The following WDR36 variants were observed in gnomAD, a reference collection of about 807,000 sequenced individuals.
The protein encoded by WDR36 is WD repeat-containing protein 36.
In WDR36, 63 loss-of-function variants were observed where a neutral mutation model predicts 112.7. That is an observed-to-expected ratio of 0.56 (90% confidence interval 0.46 to 0.69). The LOEUF (loss-of-function observed/expected upper bound fraction) is 0.69, where lower values mean the gene tolerates loss of function less well. Ranked by LOEUF, WDR36 falls within the 30% of genes least tolerant of loss-of-function variation. WDR36 has a pLI of 0.00. For synonymous variants in WDR36, 410 were observed against 362.2 expected, an observed-to-expected ratio of 1.13 and a Z score of -1.50; for missense variants, 1,226 against 1,070.3, an observed-to-expected ratio of 1.15 and a Z score of -2.03.
chr5:111,104,367 G>A lies in WDR36; in HGVS notation c.906+15G>A, dbSNP rs375488091. Reference sequence around the variant, plus strand: ...ATGCTCTTAGGGTATTATGATTATTGTTAACATCTTCCTGGCTCATCTAAC... The same window carrying A: ...ATGCTCTTAGGGTATTATGATTATTATTAACATCTTCCTGGCTCATCTAAC... On this transcript the variant is annotated intron_variant, in intron 8 of 22. Transcript: ENST00000513710. 6.2e-7 allele frequency: 1 copy of A among 1,611,324 alleles called. No individual in the cohort carries two copies. The highest frequency in any genetic ancestry group is 1.3e-5 in the African/African-American group (1 of 74,708).
intron 4 of WDR36, 34 bp downstream of exon 4, chr5:111,098,873 G>C (rs1753051708): frequency 7.3e-7 from 1 of 1,370,616 alleles, no homozygotes; most frequent in Non-Finnish European, 1.0e-6. Flanking sequence ...CTTTATCTTA[G>C]GGTAGTATGT....
chr5:111,092,509 G>T lies in WDR36; in HGVS notation c.53G>T (p.Arg18Leu), dbSNP rs376575241. The change falls in exon 1 of 23, where the codon CGG becomes CTG. Residue 18 changes from arginine to leucine, a missense_variant. Arg to Leu is a moderately radical substitution (Grantham distance 102, BLOSUM62 -2). Transcript: ENST00000513710. ...RTASALFAGF[R>L]ALGLFSNDIP... Reference sequence around the variant, plus strand: ...GCCAGCGCGCTTTTTGCGGGGTTCCGGGCCTTGGGACTTTTCAGCAACGAC... The same window carrying T: ...GCCAGCGCGCTTTTTGCGGGGTTCCTGGCCTTGGGACTTTTCAGCAACGAC... The T allele has an allele frequency of 1.7e-5, 28 of 1,614,120 alleles. No homozygotes were observed. In the African/African-American group the frequency reaches 2.8e-4, roughly 16 times the overall value.
intron 3 of WDR36, 126 bp from the exon 4 acceptor site, chr5:111,098,596 A>G: frequency 1.4e-6 from 1 of 717,452 alleles, no homozygotes; most frequent in Non-Finnish European, 2.5e-6. Context: ...ACCTTGAATA[A>G]TCAAAAGTTG....
rs370305538 is a variant in WDR36 at position 111,129,614 on chromosome 5, T to C, written c.*2731T>C. 3 of 206,284 alleles carry C rather than the reference T, an allele frequency of 1.5e-5. No homozygotes were observed. The highest frequency in any genetic ancestry group is 7.4e-5 in the East Asian group (1 of 13,430). The allele number at this position is 206,284 out of a possible 1,614,324, so 12.8% of individuals were successfully genotyped here. A position where few individuals can be genotyped will look rare whatever the true frequency, so the allele number is the denominator to read the frequency against. ...GGAGTTCTCTTGTATTTTCTGTATT[T>C]TATGTCTGTTGCCAATGTTTTCTCC... On this transcript the variant is annotated 3_prime_UTR_variant, in exon 23 of 23. Transcript: ENST00000513710.
intron 1 of WDR36, 84 bp downstream of exon 1, chr5:111,092,702 T>C (rs1752892478): frequency 2.1e-6 from 3 of 1,445,536 alleles, no homozygotes; most frequent in Non-Finnish European, 2.8e-6. Context: ...GGTTCTCCCT[T>C]CCCATTTACC....
intron 19 of WDR36, among the ~76,000 whole-genome samples, chr5:111,121,536 A>G (rs1192456769): frequency 6.6e-6 from 1 of 152,158 alleles, no homozygotes; most frequent in Non-Finnish European, 1.5e-5. Flanking sequence ...CTAGACTTTC[A>G]TTTTATTAAG....
rs143481355 is a variant in WDR36, at chr5:111,120,533, C to T, written c.1942C>T (p.Pro648Ser). 1 of 1,613,062 alleles carries T rather than the reference C, an allele frequency of 6.2e-7. No individual in the cohort carries two copies. Among genetic ancestry groups the T allele is most frequent in the African/African-American group, 1.3e-5 (1 of 74,980 alleles). ...ISLYSVVSLR[P>S]LPADYVPSIV... ...CCTGTATTCAGTTGTTTCATTACGG[C>T]CACTTCCTGCAGATTATGTCCCTTC... The change falls in exon 18 of 23, where the codon CCA (proline) becomes TCA (serine). Residue 648 changes from proline (P) to serine (S), a missense_variant. Physicochemically the swap from Pro to Ser is moderately conservative, Grantham distance 74. Coordinates refer to ENST00000513710, the MANE Select transcript of WDR36 (RefSeq NM_139281.3).
In WDR36 at chr5:111,127,935, T is replaced by TG. The variant is rs1753708018; in HGVS notation, c.*1052_*1053insG. ...TTTGTTTTGTTTTGTTTTTTTTTTT[T>TG]TTTTTTTGGCTACACTTTTTTGGGG... On this transcript the variant is annotated 3_prime_UTR_variant, in exon 23 of 23. Coordinates refer to ENST00000513710, the MANE Select transcript of WDR36 (RefSeq NM_139281.3). 2 of 205,850 alleles carry TG rather than the reference T, an allele frequency of 9.7e-6. No homozygotes were observed. The highest frequency in any genetic ancestry group is 4.6e-5 in the African/African-American group (2 of 43,494). 12.8% of individuals were successfully genotyped at this position (205,850 alleles called of 1,614,324 possible). A position where few individuals can be genotyped will look rare whatever the true frequency, so the allele number is the denominator to read the frequency against.
chr5:111,102,427 G>A (rs750496032), intron 6 of WDR36, 28 bp downstream of exon 6: 1 of 1,601,076 alleles, frequency 6.2e-7, no homozygotes, highest in Non-Finnish European at 8.6e-7. Flanking sequence ...AAGTCAAAGA[G>A]GAACAAAGTT....
In WDR36 at chr5:111,123,241, A is replaced by G. The variant is rs969918082; in HGVS notation, c.2149-564A>G. ...CATTTGAAATACTTATAAACCAGCA[A>G]TCATGTTTTCTTGAATTTTAAAAGC... On this transcript the variant is annotated intron_variant, in intron 19 of 22. Coordinates refer to ENST00000513710, the MANE Select transcript of WDR36 (RefSeq NM_139281.3). 3.3e-5 allele frequency among the ~76,000 whole-genome samples: 5 copies of G among 152,332 alleles called. No homozygotes were observed. The South Asian group carries it at 1.0e-3, about 32-fold the overall frequency.
chr5:111,127,093 T>G lies in WDR36; in HGVS notation c.*210T>G, dbSNP rs1015418995. 2.8e-5 allele frequency: 13 copies of G among 470,312 alleles called. No individual in the cohort carries two copies. Among genetic ancestry groups the G allele is most frequent in the African/African-American group, 2.4e-4 (12 of 49,576 alleles). The allele number at this position is 470,312 out of a possible 1,614,324, so 29.1% of individuals were successfully genotyped here. The stretch of plus-strand genomic sequence containing the variant: ...GGATAATGCCTGTAATTCCAGCACT[T>G]TCAGAGGCCAAAGCGGGAGGATTGC... On this transcript the variant is annotated 3_prime_UTR_variant, in exon 23 of 23. Coordinates refer to ENST00000513710, the MANE Select transcript of WDR36 (RefSeq NM_139281.3).
Position 111,121,124 on chromosome 5 carries a change from A to G in WDR36, c.2131A>G (p.Asn711Asp). 1.2e-6 allele frequency: 2 copies of G among 1,613,554 alleles called. No homozygotes were observed. Among genetic ancestry groups the G allele is most frequent in the Non-Finnish European group, 1.7e-6 (2 of 1,179,604 alleles). Residue 711 changes from asparagine to aspartate, a missense_variant, in exon 19 of 23, where the codon AAC becomes GAC. By Grantham distance (23) the Asn-to-Asp change is conservative (BLOSUM62 1). Coordinates refer to ENST00000513710, the MANE Select transcript of WDR36 (RefSeq NM_139281.3). ...TGAATCACGATGGAAAAACCTTCTTAACCTTGATGTTATTAAGGTAATAAT... is the reference window on the plus strand; with the variant it reads ...TGAATCACGATGGAAAAACCTTCTTGACCTTGATGTTATTAAGGTAATAAT... Reference protein sequence around the residue: ...LPESRWKNLLNLDVIKKKNKP... With the variant: ...LPESRWKNLLDLDVIKKKNKP...
chr5:111,117,376 T>G (rs184205169), intron 16 of WDR36, among the ~76,000 whole-genome samples: 1 of 152,300 alleles, frequency 6.6e-6, no homozygotes, highest in Admixed American at 6.5e-5. Flanking sequence ...GGCAAGCAAC[T>G]TAATGCCTCC....
intron 2 of WDR36, among the ~76,000 whole-genome samples, chr5:111,096,807 C>G (rs995109188): frequency 6.6e-6 from 1 of 151,962 alleles, no homozygotes; most frequent in Non-Finnish European, 1.5e-5. Context: ...CCTCAAAAAG[C>G]TTGTTTTCAT....
intron 2 of WDR36, among the ~76,000 whole-genome samples, chr5:111,096,360 A>T (rs193115964): frequency 2.0e-5 from 3 of 152,234 alleles, no homozygotes; most frequent in African/African-American, 7.2e-5. Context: ...TTAGATTTTG[A>T]GTTACTTTTA....
At chr5:111,123,951 G>T (rs770524696) in intron 20 of WDR36, 27 bp downstream of exon 20, 7 of 1,612,574 alleles carry the variant, frequency 4.3e-6, no homozygotes, top group Non-Finnish European at 5.1e-6. Flanking sequence ...AAGATTCTAA[G>T]TATATCGGTG....
intron 16 of WDR36, 23 bp downstream of exon 16, chr5:111,113,176 C>T (rs1437031717): frequency 1.4e-6 from 2 of 1,385,714 alleles, no homozygotes; most frequent in Non-Finnish European, 2.0e-6. Flanking sequence ...TTCTAATTCC[C>T]TAACCTCTAT....
At chr5:111,104,603 A>G (rs1753187480) in intron 8 of WDR36, 94 bp from the exon 9 acceptor site, 2 of 1,585,032 alleles carry the variant, frequency 1.3e-6, no homozygotes, top group African/African-American at 1.3e-5. Context: ...AGCAAGCACT[A>G]CTCAATACCA....
At position 111,125,595 on chromosome 5, in the gene WDR36, A is replaced by G; in HGVS notation, c.2351-13A>G. On this transcript the variant is annotated splice_polypyrimidine_tract_variant and intron_variant, in intron 21 of 22. Transcript: ENST00000513710. ...TTATAATCAAGTCATAACTGGATTA[A>G]AATTTAATGCAGATGACACTGCTCT... The G allele has an allele frequency of 1.2e-6, 2 of 1,610,934 alleles. No homozygotes were observed. The highest frequency in any genetic ancestry group is 1.7e-6 in the Non-Finnish European group (2 of 1,178,262).
Sources: gnomAD v4.1 joint callset for allele counts (sites outside exome capture counted in the v4.1 genomes callset) on GRCh38, gnomAD v4.1.1 for gene constraint, MANE v1.5 for transcripts, NCBI Gene and HGNC (gene_info 2026-07-23, HGNC 2026-07-21) for gene names.